The following ADGB variants were observed in gnomAD, a reference collection of about 807,000 sequenced individuals.
The protein encoded by ADGB is androglobin.
Under a neutral mutation model 210.5 loss-of-function variants are expected in ADGB, and 172 were observed. That is an observed-to-expected ratio of 0.82 (90% CI 0.72 to 0.93). ADGB has a LOEUF of 0.93. Among genes scored for constraint, ADGB ranks in the 40% least tolerant of loss-of-function variants. The pLI is 0.00. For synonymous variants in ADGB, 658 were observed against 662.7 expected (o/e 0.99, Z 0.11); for missense variants, 2,025 against 1,964.8 (o/e 1.03, Z -0.58).
chr6:146,728,846 G>A, intron 20 of ADGB, 105 bp downstream of exon 20: 1 of 945,606 alleles, frequency 1.1e-6, no homozygotes, highest in Non-Finnish European at 1.5e-6. Context: ...AAAATATTTT[G>A]GATGGAGATA....
chr6:146,807,595 A>G, intron 35 of ADGB: 1 of 1,536,066 alleles, frequency 6.5e-7, no homozygotes, highest in Non-Finnish European at 8.8e-7. Flanking sequence ...TAACCAGGGG[A>G]TGTCCAATAC....
chr6:146,667,138 C>T (rs1775948116), intron 7 of ADGB, among the ~76,000 whole-genome samples: 1 of 151,894 alleles, frequency 6.6e-6, no homozygotes, highest in African/African-American at 2.4e-5. Flanking sequence ...ACTCCTGTAA[C>T]AGAAGACACA....
At chr6:146,657,645 C>T (rs1562266661) in intron 5 of ADGB, among the ~76,000 whole-genome samples, 1 of 152,128 alleles carries the variant, frequency 6.6e-6, no homozygotes, top group Admixed American at 6.5e-5. Flanking sequence ...GTGGATGCAC[C>T]GGGCTTCCAC....
rs759429490 is a variant in ADGB at position 146,788,622 on chromosome 6, T to G, written c.4537+12T>G. On this transcript the variant is annotated intron_variant, in intron 33 of 35. Coordinates refer to ENST00000397944, the MANE Select transcript of ADGB (RefSeq NM_024694.4). ...GAAGGAAAACATTCGTAAGTATTGC[T>G]GTCATTGGTAACATAAACATGTATT... The G allele has an allele frequency of 1.9e-5, 29 of 1,546,668 alleles. No homozygotes were observed. Among genetic ancestry groups the G allele is most frequent in the Non-Finnish European group, 2.3e-5 (26 of 1,142,954 alleles).
Position 146,672,392 on chromosome 6 carries a change from G to T in ADGB, c.1012G>T (p.Asp338Tyr), listed in dbSNP as rs1776022516. ...KEIKDGKEVK[D>Y]VKEFKPESSL... ...AATAAAGGATGGAAAGGAAGTAAAA[G>T]ACGTGAAGGAATTCAAACCTGAAAG... The change falls in exon 8 of 36, where the codon GAC becomes TAC. Residue 338 changes from aspartate to tyrosine, a missense_variant. Transcript: ENST00000397944. 6.4e-7 allele frequency: 1 copy of T among 1,551,358 alleles called. No individual in the cohort carries two copies. Among genetic ancestry groups the T allele is most frequent in the Non-Finnish European group, 8.7e-7 (1 of 1,146,818 alleles).
intron 14 of ADGB, among the ~76,000 whole-genome samples, chr6:146,716,599 CAAAAAAAA>C: frequency 1.5e-5 from 1 of 66,812 alleles, no homozygotes; most frequent in Admixed American, 2.1e-4. Flanking sequence ...GACTCCGTCT[CAAAAAAAA>C]AAAAAAAAAA....
At chr6:146,663,003 A>G (rs1775884503) in intron 5 of ADGB, among the ~76,000 whole-genome samples, 1 of 145,582 alleles carries the variant, frequency 6.9e-6, no homozygotes. Context: ...TCTTAATCTT[A>G]ATAATATATA....
chr6:146,702,355 A>G (rs1776502749), intron 13 of ADGB, among the ~76,000 whole-genome samples: 1 of 151,912 alleles, frequency 6.6e-6, no homozygotes, highest in Non-Finnish European at 1.5e-5. Context: ...ATTTTTTATT[A>G]TAAATGCATA....
chr6:146,802,697 C>T, intron 35 of ADGB: 2 of 1,122,210 alleles, frequency 1.8e-6, no homozygotes, highest in Non-Finnish European at 2.5e-6. Flanking sequence ...GTTTTGATTT[C>T]TTCCACAGTT....
At chr6:146,812,693 C>T (rs470783) in intron 35 of ADGB, among the ~76,000 whole-genome samples, 2,608 of 143,698 alleles carry the variant, frequency 0.018, 52 homozygotes, top group African/African-American at 0.051. Flanking sequence ...ACATTGTCAG[C>T]GTGAAATCTA....
chr6:146,777,356 TAATA>T (rs942052114), intron 29 of ADGB, among the ~76,000 whole-genome samples: 3 of 152,088 alleles, frequency 2.0e-5, no homozygotes, highest in South Asian at 2.1e-4. Context: ...TTATTTTAAA[TAATA>T]AATAAATTAT....
At chr6:146,764,229 AAG>A in intron 28 of ADGB, 129 bp downstream of exon 28, 2 of 751,958 alleles carry the variant, frequency 2.7e-6, no homozygotes, top group Non-Finnish European at 4.1e-6. Context: ...ATTGGAGAAT[AAG>A]AGAGTCTTGA....
chr6:146,805,020 CCAACT>C (rs1443869575), intron 35 of ADGB, among the ~76,000 whole-genome samples: 5 of 152,170 alleles, frequency 3.3e-5, no homozygotes, highest in Non-Finnish European at 7.3e-5. Context: ...CCTTAGTTCA[CCAACT>C]CTGGCTAAAA....
chr6:146,740,287 C>T (rs1777145858), intron 23 of ADGB, among the ~76,000 whole-genome samples, 172 bp from the exon 24 acceptor site: 1 of 152,204 alleles, frequency 6.6e-6, no homozygotes, highest in Non-Finnish European at 1.5e-5. Context: ...GGGTCCCCTT[C>T]TCTTGGCACC....
intron 35 of ADGB, chr6:146,807,305 G>T: frequency 8.2e-7 from 1 of 1,221,284 alleles, no homozygotes; most frequent in Non-Finnish European, 1.1e-6. Context: ...TGAATGTGTG[G>T]GCATAAGGAC....
intron 30 of ADGB, among the ~76,000 whole-genome samples, chr6:146,783,137 A>G (rs1340723511): frequency 6.6e-6 from 1 of 152,184 alleles, no homozygotes; most frequent in African/African-American, 2.4e-5. Flanking sequence ...AGGATGGGAC[A>G]GATCAAGAAG....
At chr6:146,768,164 AGATAT>A (rs1429224275) in intron 28 of ADGB, among the ~76,000 whole-genome samples, 1 of 152,232 alleles carries the variant, frequency 6.6e-6, no homozygotes, top group East Asian at 1.9e-4. Context: ...AACAGTATAA[AGATAT>A]GTTATCCTCA....
intron 10 of ADGB, 48 bp from the exon 11 acceptor site, chr6:146,691,068 T>C: frequency 6.9e-7 from 1 of 1,439,860 alleles, no homozygotes; most frequent in East Asian, 2.5e-5. Context: ...GAAAAAGCAT[T>C]GTTTTGAATG....
At chr6:146,714,381 G>A (rs1267759559) in intron 13 of ADGB, among the ~76,000 whole-genome samples, 3 of 151,950 alleles carry the variant, frequency 2.0e-5, no homozygotes, top group Non-Finnish European at 1.5e-5. Context: ...TTCATCACAG[G>A]GAATGGTATA....
Sources: gnomAD v4.1 joint callset for allele counts (sites outside exome capture counted in the v4.1 genomes callset) on GRCh38, gnomAD v4.1.1 for gene constraint, MANE v1.5 for transcripts, NCBI Gene and HGNC (gene_info 2026-07-23, HGNC 2026-07-21) for gene names.